MACROD2: variants seen among roughly 807,000 people sequenced by gnomAD.
MACROD2 encodes the protein mono-ADP ribosylhydrolase 2, also known as ADP-ribose glycohydrolase MACROD2.
In MACROD2, 36 loss-of-function variants were observed where a neutral mutation model predicts 70.4. That is an observed-to-expected ratio of 0.51 (90% CI 0.39 to 0.68). The LOEUF is 0.68. MACROD2 is among the 30% of genes least tolerant of loss of function. The probability of loss-of-function intolerance (pLI) is 0.00; values close to 1 mark genes in which losing one functional copy is unlikely to be tolerated. For missense variants in MACROD2, 496 were observed against 538.4 expected (o/e 0.92, Z 0.78); for synonymous variants, 172 against 178.8 (o/e 0.96, Z 0.30).
intron 5 of MACROD2, among the ~76,000 whole-genome samples, chr20:14,883,243 T>C (rs73268603): frequency 0.027 from 4,063 of 152,242 alleles, 197 homozygotes; most frequent in African/African-American, 0.092. Context: ...TGATTCTAAG[T>C]TAGATTCATG....
At chr20:15,652,043 C>T (rs994662035) in intron 8 of MACROD2, among the ~76,000 whole-genome samples, 1 of 152,108 alleles carries the variant, frequency 6.6e-6, no homozygotes, top group Non-Finnish European at 1.5e-5. Flanking sequence ...GCTCTGCTTA[C>T]CTACATTTTA....
intron 5 of MACROD2, among the ~76,000 whole-genome samples, chr20:15,143,611 T>A (rs988582510): frequency 6.6e-5 from 10 of 150,774 alleles, no homozygotes; most frequent in African/African-American, 1.7e-4. Context: ...CATTTTTTTT[T>A]AATCTTGTTA....
chr20:16,009,625 C>T lies in MACROD2; in HGVS notation c.1153+22467C>T, dbSNP rs559296308. Among the ~76,000 whole-genome samples the T allele has an allele frequency of 1.3e-4, 20 of 152,116 alleles. No homozygotes were observed. In the East Asian group the frequency reaches 1.5e-3, roughly 12 times the overall value. On this transcript the variant is annotated intron_variant, in intron 15 of 17. Transcript: ENST00000684519. ...TACAAAAATTAGCCAAGCATGGTGGCGGGCACCTGTAATCCCAGCTACTCG... is the reference window on the plus strand; with the variant it reads ...TACAAAAATTAGCCAAGCATGGTGGTGGGCACCTGTAATCCCAGCTACTCG...
intron 5 of MACROD2, among the ~76,000 whole-genome samples, chr20:14,815,617 G>A (rs1292701872): frequency 6.6e-6 from 1 of 151,922 alleles, no homozygotes; most frequent in Admixed American, 6.6e-5. Context: ...ACAATCTGTA[G>A]CTAAATACTA....
chr20:14,237,602 T>C (rs1466513312), intron 3 of MACROD2, among the ~76,000 whole-genome samples: 1 of 151,920 alleles, frequency 6.6e-6, no homozygotes, highest in Non-Finnish European at 1.5e-5. Flanking sequence ...GCAGGTTAGT[T>C]ACATATGTAT....
At chr20:14,585,461 G>C (rs1401931316) in intron 4 of MACROD2, among the ~76,000 whole-genome samples, 1 of 152,022 alleles carries the variant, frequency 6.6e-6, no homozygotes, top group African/African-American at 2.4e-5. Context: ...GGAATATTCA[G>C]GTGCTTTAGT....
intron 3 of MACROD2, among the ~76,000 whole-genome samples, chr20:14,311,511 A>G (rs2082566658): frequency 6.6e-6 from 1 of 151,950 alleles, no homozygotes. Context: ...ACATAACTGT[A>G]TGCATATCTT....
intron 3 of MACROD2, among the ~76,000 whole-genome samples, chr20:14,389,535 T>C (rs1003934191): frequency 4.0e-5 from 6 of 151,578 alleles, no homozygotes; most frequent in Non-Finnish European, 7.4e-5. Context: ...AGAGATAAAC[T>C]GTTCACATCG....
chr20:14,198,659 T>C (rs1418194844), intron 3 of MACROD2, among the ~76,000 whole-genome samples: 2 of 152,196 alleles, frequency 1.3e-5, no homozygotes, highest in Non-Finnish European at 2.9e-5. Context: ...CTGTTTCTGG[T>C]TTGGTAACAG....
At chr20:15,385,461 T>C (rs1057421537) in intron 6 of MACROD2, among the ~76,000 whole-genome samples, 2 of 152,152 alleles carry the variant, frequency 1.3e-5, no homozygotes, top group Non-Finnish European at 2.9e-5. Context: ...AGTGACATGA[T>C]TGCATCCAGT....
At chr20:15,062,551 G>A (rs533170056) in intron 5 of MACROD2, among the ~76,000 whole-genome samples, 1 of 152,052 alleles carries the variant, frequency 6.6e-6, no homozygotes, top group Admixed American at 6.6e-5. Context: ...AATCCTTGGA[G>A]TAGAAAGTGA....
intron 2 of MACROD2, among the ~76,000 whole-genome samples, chr20:14,052,614 A>G (rs1046458302): frequency 2.6e-5 from 4 of 152,128 alleles, no homozygotes; most frequent in African/African-American, 7.2e-5. Flanking sequence ...TTTCTCTAGA[A>G]TACCAGAAAC....
intron 5 of MACROD2, among the ~76,000 whole-genome samples, chr20:14,940,277 C>T (rs113473858): frequency 3.4e-4 from 51 of 151,926 alleles, no homozygotes; most frequent in African/African-American, 1.0e-3. Context: ...AAGGCTGCAG[C>T]GAGAGGTGAT....
intron 7 of MACROD2, among the ~76,000 whole-genome samples, chr20:15,486,453 C>T (rs2047164667): frequency 6.6e-6 from 1 of 152,138 alleles, no homozygotes; most frequent in Non-Finnish European, 1.5e-5. Flanking sequence ...ATGCTTGTGA[C>T]TTGTGCAGTT....
At chr20:15,587,193 A>G (rs1213407759) in intron 8 of MACROD2, among the ~76,000 whole-genome samples, 1 of 152,138 alleles carries the variant, frequency 6.6e-6, no homozygotes, top group African/African-American at 2.4e-5. Context: ...GGCAAGAGAA[A>G]ATGAGGAGGA....
chr20:15,825,313 A>G (rs2063985046), intron 8 of MACROD2, among the ~76,000 whole-genome samples: 2 of 152,122 alleles, frequency 1.3e-5, no homozygotes. Context: ...ACTCCCTTCC[A>G]GGACACAGGC....
intron 3 of MACROD2, among the ~76,000 whole-genome samples, chr20:14,350,029 G>T (rs988677151): frequency 6.6e-6 from 1 of 151,676 alleles, no homozygotes; most frequent in Non-Finnish European, 1.5e-5. Flanking sequence ...GATTACAGGC[G>T]TGAGCCACTG....
chr20:15,937,689 C>G, intron 12 of MACROD2, 145 bp downstream of exon 12: 1 of 603,098 alleles, frequency 1.7e-6, no homozygotes, highest in Non-Finnish European at 2.9e-6. Flanking sequence ...GACTACACCA[C>G]CTACTCTCTT....
chr20:14,816,347 G>T (rs2072773579), intron 5 of MACROD2, among the ~76,000 whole-genome samples: 1 of 151,944 alleles, frequency 6.6e-6, no homozygotes, highest in Middle Eastern at 3.2e-3. Flanking sequence ...TGTTGTTTAA[G>T]AAGTAAATAA....
Sources: gnomAD v4.1 joint callset for allele counts (sites outside exome capture counted in the v4.1 genomes callset) on GRCh38, gnomAD v4.1.1 for gene constraint, MANE v1.5 for transcripts, NCBI Gene and HGNC (gene_info 2026-07-23, HGNC 2026-07-21) for gene names.